The following MTMR2 variants were observed in gnomAD, a reference collection of about 807,000 sequenced individuals.
MTMR2 encodes the protein myotubularin related protein 2, also known as phosphatidylinositol-3,5-bisphosphate 3-phosphatase MTMR2.
A neutral mutation model predicts 86.9 loss-of-function variants in MTMR2; 55 were observed. That is an observed-to-expected ratio of 0.63 (90% CI 0.51 to 0.79). The LOEUF (loss-of-function observed/expected upper bound fraction) is 0.79, where lower values mean the gene tolerates loss of function less well. Among genes scored for constraint, MTMR2 ranks in the 30% least tolerant of loss-of-function variants. The pLI is 0.00. For synonymous variants in MTMR2, 241 were observed against 266.8 expected, an observed-to-expected ratio of 0.90 and a Z score of 0.94; for missense variants, 659 against 772.3, an observed-to-expected ratio of 0.85 and a Z score of 1.74.
At chr11:95,917,388 C>T (rs1223820235) in intron 1 of MTMR2, among the ~76,000 whole-genome samples, 1 of 152,146 alleles carries the variant, frequency 6.6e-6, no homozygotes, top group African/African-American at 2.4e-5. Context: ...GCTTTCTGGT[C>T]ATCTGTATCC....
At chr11:95,906,211 C>T (rs566220942) in intron 1 of MTMR2, among the ~76,000 whole-genome samples, 1 of 152,184 alleles carries the variant, frequency 6.6e-6, no homozygotes, top group Non-Finnish European at 1.5e-5. Flanking sequence ...GGCAATACAG[C>T]GAGACTCTGT....
At chr11:95,849,540 T>G in intron 9 of MTMR2, 134 bp downstream of exon 9, 2 of 805,774 alleles carry the variant, frequency 2.5e-6, no homozygotes, top group South Asian at 1.5e-5. Flanking sequence ...AATCACACCA[T>G]CAAGTTGAAG....
Position 95,835,195 on chromosome 11 carries a change from C to A in MTMR2, c.*95G>T. ...TAAATAAAGTGACTGAACTTTCTCTCATAGATGGGTTCTAAATTCCGAAGA... is the reference window on the plus strand; with the variant it reads ...TAAATAAAGTGACTGAACTTTCTCTAATAGATGGGTTCTAAATTCCGAAGA... On this transcript the variant is annotated 3_prime_UTR_variant, in exon 15 of 15. Transcript: ENST00000346299. 4.7e-6 allele frequency: 6 copies of A among 1,283,208 alleles called. No individual in the cohort carries two copies. The South Asian group carries it at 7.4e-5, about 16-fold the overall frequency. 79.5% of individuals were successfully genotyped at this position (1,283,208 alleles called of 1,614,324 possible).
chr11:95,898,634 T>C (rs1865964559), intron 1 of MTMR2, among the ~76,000 whole-genome samples: 1 of 152,194 alleles, frequency 6.6e-6, no homozygotes, highest in African/African-American at 2.4e-5. Flanking sequence ...TATGTGATTT[T>C]ACCAGAAACT....
chr11:95,906,776 T>A (rs1252032174), intron 1 of MTMR2, among the ~76,000 whole-genome samples: 1 of 152,188 alleles, frequency 6.6e-6, no homozygotes, highest in Non-Finnish European at 1.5e-5. Flanking sequence ...AACAACTTGC[T>A]CCTGAATAAA....
At chr11:95,839,458 T>C (rs1399824168) in intron 12 of MTMR2, among the ~76,000 whole-genome samples, 1 of 152,164 alleles carries the variant, frequency 6.6e-6, no homozygotes, top group African/African-American at 2.4e-5. Context: ...GTTTTTCATC[T>C]TCTTGGCAAA....
chr11:95,881,202 A>T (rs1865310431), intron 2 of MTMR2, among the ~76,000 whole-genome samples: 1 of 151,908 alleles, frequency 6.6e-6, no homozygotes, highest in Non-Finnish European at 1.5e-5. Flanking sequence ...GATTTGTTAT[A>T]CATCTGTCAT....
chr11:95,896,128 G>A (rs1865873119), intron 1 of MTMR2, among the ~76,000 whole-genome samples: 1 of 151,986 alleles, frequency 6.6e-6, no homozygotes, highest in Non-Finnish European at 1.5e-5. Context: ...TCTGCAGGGA[G>A]CATGGTTCTG....
chr11:95,864,106 A>G (rs190354225), intron 3 of MTMR2, among the ~76,000 whole-genome samples: 1 of 152,164 alleles, frequency 6.6e-6, no homozygotes, highest in African/African-American at 2.4e-5. Flanking sequence ...GATGTTGGGT[A>G]TAAGGTTCCT....
chr11:95,918,138 C>T (rs1866776908), intron 1 of MTMR2, among the ~76,000 whole-genome samples: 1 of 152,104 alleles, frequency 6.6e-6, no homozygotes, highest in South Asian at 2.1e-4. Context: ...TAACATAGAC[C>T]TTAACTTAGT....
intron 1 of MTMR2, among the ~76,000 whole-genome samples, chr11:95,921,308 G>A (rs1299906907): frequency 6.6e-6 from 1 of 152,092 alleles, no homozygotes; most frequent in Non-Finnish European, 1.5e-5. Context: ...AAATTCCAAA[G>A]GCAGTTTCCC....
chr11:95,875,165 C>G (rs1865056780), intron 2 of MTMR2, among the ~76,000 whole-genome samples: 1 of 152,208 alleles, frequency 6.6e-6, no homozygotes, highest in Non-Finnish European at 1.5e-5. Flanking sequence ...TGGGGAAGTT[C>G]TCCTGGATAA....
At chr11:95,920,523 T>C (rs1175320975) in intron 1 of MTMR2, among the ~76,000 whole-genome samples, 9 of 150,554 alleles carry the variant, frequency 6.0e-5, no homozygotes, top group South Asian at 2.1e-4. Context: ...GACATAACTA[T>C]AGCTGGTTAG....
intron 13 of MTMR2, 139 bp downstream of exon 13, chr11:95,837,954 GA>G: frequency 1.5e-6 from 1 of 671,950 alleles, no homozygotes. Context: ...TATATGGAAG[GA>G]AGCCCTCAAT....
intron 2 of MTMR2, among the ~76,000 whole-genome samples, chr11:95,881,474 G>GA (rs35653498): frequency 0.6 from 91,207 of 151,908 alleles, 29,475 homozygotes; most frequent in African/African-American, 0.86. Context: ...CCAGACTATT[G>GA]ATTTACCCAT....
At chr11:95,836,106 T>G in intron 14 of MTMR2, 42 bp downstream of exon 14, 1 of 1,571,680 alleles carries the variant, frequency 6.4e-7, no homozygotes, top group Non-Finnish European at 8.8e-7. Flanking sequence ...AAAGTTGCAC[T>G]GCATGAATGA....
At chr11:95,873,377 T>A (rs1291164864) in intron 2 of MTMR2, among the ~76,000 whole-genome samples, 2 of 152,218 alleles carry the variant, frequency 1.3e-5, no homozygotes, top group African/African-American at 4.8e-5. Context: ...TCTTCTAGAT[T>A]TTCTAGTTTA....
chr11:95,869,734 G>C (rs958565998), intron 2 of MTMR2, among the ~76,000 whole-genome samples: 1 of 152,180 alleles, frequency 6.6e-6, no homozygotes, highest in Non-Finnish European at 1.5e-5. Flanking sequence ...GAGATGGCTT[G>C]AGAAATAAAA....
At chr11:95,869,235 GA>G (rs5793751) in intron 2 of MTMR2, among the ~76,000 whole-genome samples, 77,405 of 141,452 alleles carry the variant, frequency 0.55, 22,472 homozygotes, top group African/African-American at 0.8. Context: ...CCATGAAAAT[GA>G]AAAAAAAAAA....
Sources: gnomAD v4.1 joint callset for allele counts (sites outside exome capture counted in the v4.1 genomes callset) on GRCh38, gnomAD v4.1.1 for gene constraint, MANE v1.5 for transcripts, NCBI Gene and HGNC (gene_info 2026-07-23, HGNC 2026-07-21) for gene names.